PRIM2: variants seen among roughly 807,000 people sequenced by gnomAD.
The protein encoded by PRIM2 is DNA primase large subunit.
In PRIM2, 39 loss-of-function variants were observed where a neutral mutation model predicts 67.3. That is an observed-to-expected ratio of 0.58 (90% CI 0.45 to 0.76). PRIM2 has a LOEUF of 0.76. Ranked by LOEUF, PRIM2 falls within the 30% of genes least tolerant of loss-of-function variation. The probability of loss-of-function intolerance (pLI) is 0.00; values close to 1 mark genes in which losing one functional copy is unlikely to be tolerated. For synonymous variants in PRIM2, 143 were observed against 198.7 expected (o/e 0.72, Z 2.36); for missense variants, 398 against 598.7 (o/e 0.66, Z 3.50).
intron 10 of PRIM2, among the ~76,000 whole-genome samples, chr6:57,573,351 G>A (rs1378865011): frequency 6.6e-6 from 1 of 152,170 alleles, no homozygotes; most frequent in Non-Finnish European, 1.5e-5. Flanking sequence ...GGCTAGTGGA[G>A]TTGTGATCCT....
chr6:57,627,302 A>T (rs1406682059), intron 12 of PRIM2, among the ~76,000 whole-genome samples: 2 of 148,528 alleles, frequency 1.3e-5, no homozygotes, highest in Non-Finnish European at 3.0e-5. Flanking sequence ...AAAAAAAAAA[A>T]AAAAAAGTTT....
chr6:57,381,377 G>A (rs1401490742), intron 6 of PRIM2, among the ~76,000 whole-genome samples: 2 of 152,090 alleles, frequency 1.3e-5, no homozygotes. Context: ...CTATTGGAGA[G>A]TAAGAATGAT....
intron 5 of PRIM2, among the ~76,000 whole-genome samples, chr6:57,340,125 T>G (rs1184031938): frequency 6.6e-6 from 1 of 152,124 alleles, no homozygotes; most frequent in African/African-American, 2.4e-5. Flanking sequence ...TCACTGGCCA[T>G]CAGAGAAATG....
In PRIM2 at chr6:57,576,123, TTGTTGGGAAAACATGTTCCCAACA is replaced by T. The variant is rs1236561203; in HGVS notation, c.1021-24960_1021-24937del. On this transcript the variant is annotated intron_variant, in intron 10 of 13. Transcript: ENST00000615550. Reference sequence around the variant, plus strand: ...GTGCTCAGCTTGTTTTTCCCAACTGTTGTTGGGAAAACATGTTCCCAACATGTTGGGAAGGCATGTTCATGATAA... The same window carrying T: ...GTGCTCAGCTTGTTTTTCCCAACTGTTGTTGGGAAGGCATGTTCATGATAA... Among the ~76,000 whole-genome samples, 84 of 152,032 alleles carry T rather than the reference TTGTTGGGAAAACATGTTCCCAACA, an allele frequency of 5.5e-4. No homozygotes were observed. In the South Asian group the frequency reaches 9.6e-3, roughly 17 times the overall value.
chr6:57,261,160 T>G, the PRIM2 span, among the ~76,000 whole-genome samples: 1 of 152,214 alleles, frequency 6.6e-6, no homozygotes, highest in Non-Finnish European at 1.5e-5. Flanking sequence ...TCTTGATATT[T>G]TAAAGAAGAG....
intron 8 of PRIM2, among the ~76,000 whole-genome samples, chr6:57,517,467 T>TA (rs1431670686): frequency 6.6e-6 from 1 of 152,190 alleles, no homozygotes; most frequent in Non-Finnish European, 1.5e-5. Flanking sequence ...AATAGCCACT[T>TA]ACGGCTATTG....
At position 57,372,365 on chromosome 6, in the gene PRIM2, A is replaced by T. The variant is rs575303988; in HGVS notation, c.460-7536A>T. Among the ~76,000 whole-genome samples, 37 of 152,334 alleles carry T rather than the reference A, an allele frequency of 2.4e-4. No individual in the cohort carries two copies. In the East Asian group the frequency reaches 6.0e-3, roughly 25 times the overall value. On this transcript the variant is annotated intron_variant, in intron 5 of 13. Transcript: ENST00000615550. ...TCCAGTTTGGTTTCTACTCATATTA[A>T]TTAGCTATAAAACTAGGATAATATC...
chr6:57,228,330 A>T, the PRIM2 span, among the ~76,000 whole-genome samples: 1 of 152,228 alleles, frequency 6.6e-6, no homozygotes, highest in Non-Finnish European at 1.5e-5. Context: ...CTTGCAAATC[A>T]CAAAGTGCCT....
chr6:57,386,234 ACAACAACAACAG>A (rs1302993349), intron 7 of PRIM2, among the ~76,000 whole-genome samples: 1 of 151,342 alleles, frequency 6.6e-6, no homozygotes, highest in African/African-American at 2.4e-5. Flanking sequence ...AAAAACAACA[ACAACAACAACAG>A]CAACAACAAC....
intron 5 of PRIM2, among the ~76,000 whole-genome samples, chr6:57,331,595 G>A (rs1562697465): frequency 2.0e-5 from 3 of 152,050 alleles, no homozygotes; most frequent in African/African-American, 4.8e-5. Context: ...ATCTATTTAA[G>A]TTTTATATTA....
At chr6:57,280,451 A>G in the PRIM2 span, among the ~76,000 whole-genome samples, 2 of 152,150 alleles carry the variant, frequency 1.3e-5, no homozygotes, top group Admixed American at 1.3e-4. Context: ...TTAGAAAGAC[A>G]ATGCAGACAG....
intron 10 of PRIM2, among the ~76,000 whole-genome samples, chr6:57,554,909 C>T (rs1281862700): frequency 2.3e-4 from 35 of 152,262 alleles, no homozygotes; most frequent in African/African-American, 8.4e-4. Context: ...GCTTTTCTGA[C>T]TGTTGAGTAT....
At chr6:57,261,604 C>A in the PRIM2 span, among the ~76,000 whole-genome samples, 3 of 152,230 alleles carry the variant, frequency 2.0e-5, no homozygotes, top group African/African-American at 7.2e-5. Context: ...ATGGCAATGT[C>A]TTCCTCCTCT....
At chr6:57,593,462 C>T (rs1429138950) in intron 10 of PRIM2, among the ~76,000 whole-genome samples, 4 of 152,068 alleles carry the variant, frequency 2.6e-5, no homozygotes, top group African/African-American at 9.7e-5. Flanking sequence ...ACCACCACAC[C>T]CAGCTAATTT....
chr6:57,323,438 G>C (rs1326371272), intron 3 of PRIM2, among the ~76,000 whole-genome samples: 2 of 151,948 alleles, frequency 1.3e-5, no homozygotes, highest in African/African-American at 4.8e-5. Context: ...AAAAGAGAGG[G>C]GTTGGTGGGA....
At chr6:57,378,525 T>C (rs1769849574) in intron 5 of PRIM2, among the ~76,000 whole-genome samples, 1 of 152,210 alleles carries the variant, frequency 6.6e-6, no homozygotes, top group African/African-American at 2.4e-5. Flanking sequence ...TTTCTATACC[T>C]TGTTATAAAA....
At chr6:57,437,728 C>A (rs1222306196) in intron 7 of PRIM2, among the ~76,000 whole-genome samples, 9 of 144,976 alleles carry the variant, frequency 6.2e-5, no homozygotes, top group Non-Finnish European at 4.5e-5. Flanking sequence ...TGCAAAGGTG[C>A]GATCTTGGCT....
At chr6:57,270,038 G>A in the PRIM2 span, among the ~76,000 whole-genome samples, 1 of 152,136 alleles carries the variant, frequency 6.6e-6, no homozygotes, top group East Asian at 1.9e-4. Flanking sequence ...CTGTAGCCTT[G>A]TAGTATAGTT....
chr6:57,245,484 T>C, the PRIM2 span, among the ~76,000 whole-genome samples: 1 of 152,148 alleles, frequency 6.6e-6, no homozygotes. Context: ...GGTAACCAAA[T>C]TGCCAAGTTA....
Sources: gnomAD v4.1 joint callset for allele counts (sites outside exome capture counted in the v4.1 genomes callset) on GRCh38, gnomAD v4.1.1 for gene constraint, MANE v1.5 for transcripts, NCBI Gene and HGNC (gene_info 2026-07-23, HGNC 2026-07-21) for gene names.